Variants in PCBP3 observed in about 807,000 individuals in gnomAD.
PCBP3 encodes poly(rC)-binding protein 3.
Under a neutral mutation model 52.7 loss-of-function variants are expected in PCBP3, and 25 were observed. The observed-to-expected ratio is 0.47, with a 90% CI of 0.35 to 0.66. PCBP3 has a LOEUF of 0.66. Among genes scored for constraint, PCBP3 ranks in the 30% least tolerant of loss-of-function variants. PCBP3 has a pLI of 0.01. For synonymous variants in PCBP3, 162 were observed against 183.0 expected (o/e 0.89, Z 0.93); for missense variants, 391 against 490.3 (o/e 0.80, Z 1.91).
At chr21:45,924,298 C>G (rs1367914993) in intron 13 of PCBP3, among the ~76,000 whole-genome samples, 2 of 141,452 alleles carry the variant, frequency 1.4e-5, no homozygotes, top group African/African-American at 2.7e-5. Flanking sequence ...GATGCGAACA[C>G]CGGGAACAGT....
intron 2 of PCBP3, among the ~76,000 whole-genome samples, chr21:45,700,756 G>A (rs2083072339): frequency 6.6e-6 from 1 of 152,120 alleles, no homozygotes; most frequent in South Asian, 2.1e-4. Flanking sequence ...ATGAAGGCTG[G>A]TCACTCCCTC....
chr21:45,669,933 A>G (rs1283744789), intron 2 of PCBP3, among the ~76,000 whole-genome samples: 1 of 150,524 alleles, frequency 6.6e-6, no homozygotes, highest in African/African-American at 2.4e-5. Context: ...GAACTTGGGT[A>G]TACAAATATT....
At chr21:45,785,595 G>A in intron 4 of PCBP3, among the ~76,000 whole-genome samples, 1 of 151,882 alleles carries the variant, frequency 6.6e-6, no homozygotes, top group African/African-American at 2.4e-5. Context: ...GGGAAGTGAG[G>A]AGCCCCTCTG....
At position 45,786,686 on chromosome 21, in the gene PCBP3, C is replaced by T. The variant is rs114754062; in HGVS notation, c.-126+31234C>T. Among the ~76,000 whole-genome samples, 968 of 152,292 alleles carry T rather than the reference C, an allele frequency of 6.4e-3. 11 individuals are homozygous for T. Among genetic ancestry groups the T allele is most frequent in the Admixed American group, 0.015 (223 of 15,304 alleles). ...AGAGAATTACATATATTGCTACGTT[C>T]GTTCCAACTCATGGTATGTTCCTGT... On this transcript the variant is annotated intron_variant, in intron 4 of 17. Transcript: ENST00000681687.
chr21:45,735,943 C>T lies in PCBP3; in HGVS notation c.-162+514C>T, dbSNP rs2085839467. On this transcript the variant is annotated intron_variant, in intron 3 of 17. Transcript: ENST00000681687. The surrounding 1 kb of genome is among the most constrained non-coding windows in gnomAD (Gnocchi z 4.0). ...CCTGGCACCGGCCAGCACACAGAGG[C>T]ACTCACCTGTCTCACACAATGCACT... Among the ~76,000 whole-genome samples the T allele has an allele frequency of 6.6e-6, 1 of 152,230 alleles. No individual in the cohort carries two copies. Among genetic ancestry groups the T allele is most frequent in the South Asian group, 2.1e-4 (1 of 4,828 alleles).
At chr21:45,798,022 G>C (rs1035218777) in intron 4 of PCBP3, among the ~76,000 whole-genome samples, 2 of 144,264 alleles carry the variant, frequency 1.4e-5, no homozygotes, top group South Asian at 2.3e-4. Flanking sequence ...GAATGGATGC[G>C]TACATGGATG....
At chr21:45,852,608 A>C (rs1008384274) in intron 5 of PCBP3, among the ~76,000 whole-genome samples, 80 of 147,062 alleles carry the variant, frequency 5.4e-4, no homozygotes, top group African/African-American at 2.0e-3. Context: ...GTTCAGAAGG[A>C]ACACAGCCCT....
Position 45,737,350 on chromosome 21 carries a change from G to A in PCBP3, c.-162+1921G>A, listed in dbSNP as rs987406001. Among the ~76,000 whole-genome samples the A allele has an allele frequency of 6.6e-6, 1 of 152,140 alleles. No individual in the cohort carries two copies. The highest frequency in any genetic ancestry group is 1.5e-5 in the Non-Finnish European group (1 of 68,018). Reference sequence around the variant, plus strand: ...GGAATCCAAATCCCTGTTGCCTTGGGGCCAACTTTGTAATCTTACAAATCT... The same window carrying A: ...GGAATCCAAATCCCTGTTGCCTTGGAGCCAACTTTGTAATCTTACAAATCT... On this transcript the variant is annotated intron_variant, in intron 3 of 17. Coordinates refer to ENST00000681687, the MANE Select transcript of PCBP3 (RefSeq NM_001384156.1). This position sits in a 1 kb window ranked among gnomAD's most constrained non-coding sequence, Gnocchi z 4.9.
chr21:45,806,074 C>T (rs986139981), intron 4 of PCBP3, among the ~76,000 whole-genome samples: 1 of 152,204 alleles, frequency 6.6e-6, no homozygotes, highest in African/African-American at 2.4e-5. Flanking sequence ...TTGCTGCCTC[C>T]AGGGTTATCA....
At chr21:45,675,620 T>C (rs1379872043) in intron 2 of PCBP3, among the ~76,000 whole-genome samples, 1 of 152,170 alleles carries the variant, frequency 6.6e-6, no homozygotes. Flanking sequence ...CCTCAAACCC[T>C]CTTTTTTCAC....
intron 3 of PCBP3, among the ~76,000 whole-genome samples, chr21:45,739,656 C>T (rs2086261215): frequency 3.1e-5 from 4 of 128,318 alleles, no homozygotes; most frequent in African/African-American, 9.1e-5. Flanking sequence ...CCATCTTCAT[C>T]AGCCCACCCC....
At chr21:45,858,093 C>G (rs1166011002) in intron 5 of PCBP3, among the ~76,000 whole-genome samples, 1 of 152,240 alleles carries the variant, frequency 6.6e-6, no homozygotes, top group Non-Finnish European at 1.5e-5. Context: ...TTACCTCCCT[C>G]CAGTCTCTGA....
chr21:45,918,896 CAGAT>C (rs1453631049), intron 13 of PCBP3: 1 of 153,372 alleles, frequency 6.5e-6, no homozygotes, highest in Non-Finnish European at 1.5e-5. Context: ...AAGTTACTCT[CAGAT>C]AAACCGTCGG....
At chr21:45,924,479 G>A (rs369204278) in intron 13 of PCBP3, among the ~76,000 whole-genome samples, 329 of 36,504 alleles carry the variant, frequency 9.0e-3, no homozygotes, top group East Asian at 0.029. Context: ...TCGGGTGTGC[G>A]TGAGGAGATG....
chr21:45,753,293 T>C (rs988847086), intron 3 of PCBP3, among the ~76,000 whole-genome samples: 1 of 152,146 alleles, frequency 6.6e-6, no homozygotes, highest in Non-Finnish European at 1.5e-5. Context: ...TTTAGAATTA[T>C]TATGGTATCT....
chr21:45,834,539 C>T (rs1403126940), intron 4 of PCBP3, among the ~76,000 whole-genome samples: 1 of 152,204 alleles, frequency 6.6e-6, no homozygotes, highest in Non-Finnish European at 1.5e-5. Flanking sequence ...GGTCCTCGTG[C>T]TGGCCTCACA....
rs1015800850 is a variant in PCBP3, at chr21:45,904,749, A to G, written c.339+3636A>G. 1.1e-4 allele frequency among the ~76,000 whole-genome samples: 16 copies of G among 152,182 alleles called. No homozygotes were observed. The highest frequency in any genetic ancestry group is 4.4e-5 in the Non-Finnish European group (3 of 68,032). ...CAGTCCCAAGTGAACACTGGTTAAA[A>G]TCTACCTGAAGGTGCTCAGAGGGCC... is the stretch of plus-strand genomic sequence containing the variant. On this transcript the variant is annotated intron_variant, in intron 9 of 17. Transcript: ENST00000681687. The surrounding 1 kb of genome is among the most constrained non-coding windows in gnomAD (Gnocchi z 4.8).
intron 16 of PCBP3, among the ~76,000 whole-genome samples, chr21:45,936,041 T>C (rs393067): frequency 0.45 from 68,815 of 152,114 alleles, 16,774 homozygotes; most frequent in African/African-American, 0.62. Context: ...ACAGCTCAAG[T>C]GTCCAGGAGG....
intron 3 of PCBP3, among the ~76,000 whole-genome samples, chr21:45,742,423 G>A (rs547178135): frequency 7.2e-5 from 11 of 152,260 alleles, no homozygotes; most frequent in South Asian, 2.1e-4. Context: ...CAATAATGTC[G>A]TTTTCCCCCA....
Sources: gnomAD v4.1 joint callset for allele counts (sites outside exome capture counted in the v4.1 genomes callset) on GRCh38, gnomAD v4.1.1 for gene constraint, Gnocchi (gnomAD v3.1) non-coding constraint, MANE v1.5 for transcripts, NCBI Gene and HGNC (gene_info 2026-07-23, HGNC 2026-07-21) for gene names.